HLA-DRB5: variants seen among roughly 807,000 people sequenced by gnomAD.
The protein encoded by HLA-DRB5 is DR beta-5.
A neutral mutation model predicts 22.4 loss-of-function variants in HLA-DRB5; 11 were observed. That is an observed-to-expected ratio of 0.49 (90% CI 0.31 to 0.81). HLA-DRB5 has a LOEUF of 0.81. Ranked by LOEUF, HLA-DRB5 falls within the 40% of genes least tolerant of loss-of-function variation. The pLI is 0.05. For synonymous variants in HLA-DRB5, 57 were observed against 106.0 expected (o/e 0.54, Z 2.84); for missense variants, 106 against 274.4 (o/e 0.39, Z 4.34).
At chr6:32,525,708 C>T (rs114034929) in intron 1 of HLA-DRB5, among the ~76,000 whole-genome samples, 83,249 of 104,658 alleles carry the variant, frequency 0.8, 35,244 homozygotes, top group Middle Eastern at 0.9. Flanking sequence ...CAGAGATGTA[C>T]ATGTTTTTAT....
chr6:32,522,248 G>T, intron 1 of HLA-DRB5, 74 bp from the exon 2 acceptor site: 1 of 521,152 alleles, frequency 1.9e-6, no homozygotes, highest in Non-Finnish European at 2.8e-6. Flanking sequence ...CGCCATCCGG[G>T]GCTCCCTGGG....
At chr6:32,522,259 C>T (rs115488695) in intron 1 of HLA-DRB5, 85 bp from the exon 2 acceptor site, 7,103 of 442,396 alleles carry the variant, frequency 0.016, 771 homozygotes, top group Admixed American at 0.04. Flanking sequence ...GCTCCCTGGG[C>T]GGGGTGCGGG....
At chr6:32,521,338 G>A (rs796414613) in intron 2 of HLA-DRB5, among the ~76,000 whole-genome samples, 1 of 128,608 alleles carries the variant, frequency 7.8e-6, no homozygotes, top group African/African-American at 2.9e-5. Flanking sequence ...AGAAGCTTCA[G>A]AAGTGCCTCA....
chr6:32,529,879 A>C, intron 1 of HLA-DRB5, among the ~76,000 whole-genome samples: 1 of 150,564 alleles, frequency 6.6e-6, no homozygotes, highest in African/African-American at 2.5e-5. Flanking sequence ...CATGTGATGA[A>C]AAGGTTTCAT....
At chr6:32,520,604 G>T (rs112077796) in intron 2 of HLA-DRB5, among the ~76,000 whole-genome samples, 27,094 of 68,522 alleles carry the variant, frequency 0.4, 4,526 homozygotes, top group Admixed American at 0.43. Context: ...AGGCAGGCAG[G>T]GTCTGGGACT....
intron 3 of HLA-DRB5, 73 bp downstream of exon 3, chr6:32,519,297 A>G (rs116067927): frequency 0.16 from 113,112 of 704,250 alleles, 160 homozygotes; most frequent in Admixed American, 0.27. Context: ...GAGATGAGAA[A>G]CCTGACACTC....
intron 1 of HLA-DRB5, among the ~76,000 whole-genome samples, chr6:32,523,739 TAC>T (rs1769242513): frequency 1.2e-5 from 1 of 80,748 alleles, no homozygotes; most frequent in Non-Finnish European, 2.6e-5. Flanking sequence ...TGCAACTGTC[TAC>T]TTTTGCATAA....
At chr6:32,522,944 C>T (rs78681324) in intron 1 of HLA-DRB5, among the ~76,000 whole-genome samples, 38,857 of 60,292 alleles carry the variant, frequency 0.64, 15,552 homozygotes, top group Middle Eastern at 0.85. Context: ...AAATACCATG[C>T]ACAAAAGCTT....
At chr6:32,524,190 A>AAG in intron 1 of HLA-DRB5, among the ~76,000 whole-genome samples, 1 of 105,730 alleles carries the variant, frequency 9.5e-6, no homozygotes, top group Non-Finnish European at 2.1e-5. Context: ...ACATAAAACG[A>AAG]ATGCTTTATA....
intron 1 of HLA-DRB5, among the ~76,000 whole-genome samples, chr6:32,523,900 GGT>G (rs1562441022): frequency 1.1e-5 from 1 of 94,346 alleles, no homozygotes; most frequent in Non-Finnish European, 2.2e-5. Flanking sequence ...ATTCTTTGTT[GGT>G]AAAGGAGGCT....
At chr6:32,525,985 G>A (rs879929590) in intron 1 of HLA-DRB5, among the ~76,000 whole-genome samples, 2,268 of 54,262 alleles carry the variant, frequency 0.042, 1 homozygote, top group Admixed American at 0.075. Flanking sequence ...TGATAATAAT[G>A]ACCGAGCATC....
intron 1 of HLA-DRB5, among the ~76,000 whole-genome samples, chr6:32,525,194 G>C (rs140209363): frequency 0.11 from 4,386 of 41,764 alleles, 585 homozygotes; most frequent in Middle Eastern, 0.14. Context: ...TCATATTCTA[G>C]AATCAGAAAA....
chr6:32,528,435 T>C (rs115045491), intron 1 of HLA-DRB5, among the ~76,000 whole-genome samples: 22,622 of 64,442 alleles, frequency 0.35, 2,150 homozygotes, highest in Middle Eastern at 0.48. Context: ...CTGTGGTTTA[T>C]ATTAATAAAC....
chr6:32,520,109 T>C (rs1227050925), intron 2 of HLA-DRB5, among the ~76,000 whole-genome samples: 479 of 44,740 alleles, frequency 0.011, 66 homozygotes, highest in East Asian at 0.078. Context: ...ACATAAAATA[T>C]ATAAAACAAT....
At chr6:32,519,957 G>T (rs1344628535) in intron 2 of HLA-DRB5, among the ~76,000 whole-genome samples, 1 of 76,546 alleles carries the variant, frequency 1.3e-5, no homozygotes, top group African/African-American at 5.1e-5. Context: ...CCTGAGCCAG[G>T]TTGCCTGGCT....
Position 32,518,120 on chromosome 6 carries a change from G to C in HLA-DRB5, c.764-43C>G. On this transcript the variant is annotated intron_variant, in intron 4 of 5. Coordinates refer to ENST00000374975, the MANE Select transcript of HLA-DRB5 (RefSeq NM_002125.4). ...AGATATACACTTAAAAGGTATGGAA[G>C]CAAATCTATTCTCCCAACACAATGT... The C allele has an allele frequency of 5.1e-6, 2 of 394,720 alleles. 1 individual carries two copies. The highest frequency in any genetic ancestry group is 7.2e-6 in the Non-Finnish European group (2 of 279,212). The allele number at this position is 394,720 out of a possible 1,614,324, so 24.5% of individuals were successfully genotyped here.
intron 2 of HLA-DRB5, among the ~76,000 whole-genome samples, chr6:32,521,599 C>CCGCCCGCACCCACCTCCCTTGT (rs1768877837): frequency 1.0e-5 from 1 of 99,302 alleles, no homozygotes; most frequent in Non-Finnish European, 2.0e-5. Context: ...CTCTCTCCAG[C>CCGCCCGCACCCACCTCCCTTGT]CCCCTGCACC....
chr6:32,524,839 G>GTTAAATTTGGACTTTGA (rs1179331390), intron 1 of HLA-DRB5, among the ~76,000 whole-genome samples: 2 of 62,260 alleles, frequency 3.2e-5, no homozygotes, highest in African/African-American at 1.4e-4. Context: ...AGGATGCCCA[G>GTTAAATTTGGACTTTGA]GTAAATCTGG....
Position 32,520,120 on chromosome 6 carries a change from G to A in HLA-DRB5, c.371-469C>T, listed in dbSNP as rs1488306143. Among the ~76,000 whole-genome samples, 2 of 50,336 alleles carry A rather than the reference G, an allele frequency of 4.0e-5. 1 individual carries two copies. 33.0% of individuals were successfully genotyped at this position (50,336 alleles called of 152,430 possible). ...ATGCACATAAAATATATAAAACAAT[G>A]ACTGAAGATAGCCTTTAATTTATGA... On this transcript the variant is annotated intron_variant, in intron 2 of 5. Transcript: ENST00000374975.
Sources: allele counts gnomAD v4.1 joint callset (sites outside exome capture counted in the v4.1 genomes callset), GRCh38; gene constraint gnomAD v4.1.1; transcripts MANE v1.5; gene names NCBI Gene and HGNC (gene_info 2026-07-23, HGNC 2026-07-21).